SAXO1: variants seen among roughly 807,000 people sequenced by gnomAD.
The protein encoded by SAXO1 is 4930500O09Rik.
SAXO1 carries 21 observed loss-of-function variants against 17.5 expected under a neutral mutation model. The ratio of observed to expected loss-of-function variants is 1.20; its 90% CI spans 0.85 to 1.72. The LOEUF (loss-of-function observed/expected upper bound fraction) is 1.72, where lower values mean the gene tolerates loss of function less well. SAXO1 is among the 40% of genes most tolerant of loss of function. The pLI, the probability that SAXO1 is intolerant of heterozygous loss-of-function variation, is 0.00. For missense variants in SAXO1, 843 were observed against 596.0 expected, an observed-to-expected ratio of 1.41 and a Z score of -4.32; for synonymous variants, 274 against 216.5, an observed-to-expected ratio of 1.27 and a Z score of -2.33.
At chr9:18,968,504 G>C (rs1832816836) in intron 1 of SAXO1, among the ~76,000 whole-genome samples, 1 of 152,098 alleles carries the variant, frequency 6.6e-6, no homozygotes, top group Admixed American at 6.5e-5. Flanking sequence ...ACATTTTGGG[G>C]AGAAATAGAA....
chr9:19,045,649 C>T (rs538663602), intron 1 of SAXO1, among the ~76,000 whole-genome samples: 6 of 152,270 alleles, frequency 3.9e-5, no homozygotes, highest in African/African-American at 1.4e-4. Flanking sequence ...AGAATCTAAC[C>T]AGCCAAAGAG....
chr9:19,027,619 A>C, intron 1 of SAXO1: 1 of 1,435,350 alleles, frequency 7.0e-7, no homozygotes, highest in Middle Eastern at 2.0e-4. Context: ...TGTTCACTGG[A>C]GATGGTGCCA....
chr9:19,020,949 C>G (rs1211691646), intron 1 of SAXO1, among the ~76,000 whole-genome samples: 2 of 152,218 alleles, frequency 1.3e-5, no homozygotes, highest in Non-Finnish European at 2.9e-5. Flanking sequence ...TGTCATCCAA[C>G]CCATCTTTCA....
At chr9:18,945,905 A>T (rs1831772508) in intron 2 of SAXO1, among the ~76,000 whole-genome samples, 1 of 152,186 alleles carries the variant, frequency 6.6e-6, no homozygotes, top group African/African-American at 2.4e-5. Flanking sequence ...TTCCAGCCTG[A>T]AGGTCAGCTC....
intron 1 of SAXO1, among the ~76,000 whole-genome samples, chr9:18,997,826 C>A (rs1381396790): frequency 6.6e-6 from 1 of 152,188 alleles, no homozygotes; most frequent in Non-Finnish European, 1.5e-5. Flanking sequence ...ACAAGGCAAA[C>A]AAGTTCTGGA....
rs764177755 is a variant in SAXO1 at position 18,928,813 on chromosome 9, G to A, written c.664C>T (p.His222Tyr). 2.0e-5 allele frequency: 33 copies of A among 1,614,042 alleles called. No homozygotes were observed. Among genetic ancestry groups the A allele is most frequent in the Non-Finnish European group, 2.6e-5 (31 of 1,180,054 alleles). ...VAHPVEKRFV[H>Y]EAEKFRPCEI... ...CAGGGCCTGAACTTCTCTGCTTCAT[G>A]CACAAAGCGCTTCTCCACGGGGTGG... The change falls in exon 4 of 4, where the codon CAT (histidine) becomes TAT (tyrosine). Residue 222 changes from histidine (H) to tyrosine (Y), a missense_variant. Transcript: ENST00000380534.
At chr9:19,009,053 TAAAC>T (rs2130982504) in intron 1 of SAXO1, among the ~76,000 whole-genome samples, 1 of 152,292 alleles carries the variant, frequency 6.6e-6, no homozygotes, top group Non-Finnish European at 1.5e-5. Flanking sequence ...CGCTTTCAAA[TAAAC>T]AAATATAATT....
chr9:18,936,813 A>G (rs182195609), intron 3 of SAXO1, among the ~76,000 whole-genome samples: 78 of 152,342 alleles, frequency 5.1e-4, no homozygotes, highest in African/African-American at 1.7e-3. Flanking sequence ...AATCTTTCCA[A>G]TTGCACAGTG....
intron 3 of SAXO1, among the ~76,000 whole-genome samples, chr9:18,933,461 T>C (rs1350879420): frequency 6.6e-6 from 1 of 152,196 alleles, no homozygotes; most frequent in Non-Finnish European, 1.5e-5. Context: ...AAAGTATATA[T>C]TTACCTAATT....
chr9:19,012,752 C>T (rs62560431), intron 1 of SAXO1, among the ~76,000 whole-genome samples: 6,344 of 152,148 alleles, frequency 0.042, 158 homozygotes, highest in Non-Finnish European at 0.058. Flanking sequence ...ATACTCTGAC[C>T]AGCAAAAATG....
At chr9:18,979,410 G>C (rs1015198930) in intron 1 of SAXO1, among the ~76,000 whole-genome samples, 2 of 152,208 alleles carry the variant, frequency 1.3e-5, no homozygotes, top group African/African-American at 4.8e-5. Flanking sequence ...GCTGAGAATG[G>C]GTCAGATTTT....
intron 2 of SAXO1, among the ~76,000 whole-genome samples, chr9:18,943,812 C>T (rs71508767): frequency 0.011 from 1,683 of 152,332 alleles, 19 homozygotes; most frequent in Middle Eastern, 0.048. Flanking sequence ...CGTGCTGAGC[C>T]CACCCAACCT....
chr9:18,929,106 T>C, intron 3 of SAXO1, 51 bp from the exon 4 acceptor site: 2 of 1,586,156 alleles, frequency 1.3e-6, no homozygotes, highest in Non-Finnish European at 1.7e-6. Flanking sequence ...TCAACCAACT[T>C]GCATATATTC....
intron 1 of SAXO1, among the ~76,000 whole-genome samples, chr9:18,966,370 G>A (rs965062842): frequency 1.3e-5 from 2 of 152,182 alleles, no homozygotes; most frequent in African/African-American, 4.8e-5. Flanking sequence ...TCACTTTCAG[G>A]TATACCAATC....
At chr9:18,970,702 C>G (rs1832914154) in intron 1 of SAXO1, among the ~76,000 whole-genome samples, 1 of 152,218 alleles carries the variant, frequency 6.6e-6, no homozygotes, top group Non-Finnish European at 1.5e-5. Context: ...GGAACAGTTG[C>G]ATTTCATCTC....
intron 3 of SAXO1, among the ~76,000 whole-genome samples, chr9:18,937,462 C>A (rs747200079): frequency 2.6e-5 from 4 of 152,178 alleles, no homozygotes; most frequent in Non-Finnish European, 5.9e-5. Context: ...GTTTGGGAAG[C>A]CCTTCTATCA....
At chr9:18,989,213 G>C (rs957439683) in intron 1 of SAXO1, among the ~76,000 whole-genome samples, 5 of 152,230 alleles carry the variant, frequency 3.3e-5, no homozygotes, top group African/African-American at 1.2e-4. Flanking sequence ...CAAATACAAT[G>C]ATGCCAAAAC....
At chr9:19,046,171 C>T (rs922415991) in intron 1 of SAXO1, among the ~76,000 whole-genome samples, 10 of 147,146 alleles carry the variant, frequency 6.8e-5, no homozygotes, top group African/African-American at 2.3e-4. Flanking sequence ...GGGATAAAAA[C>T]TTTTTCTTAA....
intron 1 of SAXO1, among the ~76,000 whole-genome samples, chr9:18,965,006 G>C (rs62550807): frequency 6.6e-6 from 1 of 152,056 alleles, no homozygotes; most frequent in African/African-American, 2.4e-5. Flanking sequence ...CCTTAACTTC[G>C]TTATTTACCC....
Sources: allele counts gnomAD v4.1 joint callset (sites outside exome capture counted in the v4.1 genomes callset), GRCh38; gene constraint gnomAD v4.1.1; transcripts MANE v1.5; gene names NCBI Gene and HGNC (gene_info 2026-07-23, HGNC 2026-07-21).